MCTP1: variants seen among roughly 807,000 people sequenced by gnomAD.
The protein encoded by MCTP1 is multiple C2 and transmembrane domain-containing protein 1.
MCTP1 carries 69 observed loss-of-function variants against 120.6 expected under a neutral mutation model. The observed-to-expected ratio is 0.57, with a 90% CI of 0.47 to 0.70. MCTP1 has a LOEUF of 0.70. Ranked by LOEUF, MCTP1 falls within the 30% of genes least tolerant of loss-of-function variation. MCTP1 has a pLI of 0.00. For missense variants in MCTP1, 1,203 were observed against 1,248.8 expected (o/e 0.96, Z 0.55); for synonymous variants, 529 against 493.1 (o/e 1.07, Z -0.96).
At chr5:95,109,678 T>C (rs1757321669) in intron 1 of MCTP1, among the ~76,000 whole-genome samples, 1 of 152,178 alleles carries the variant, frequency 6.6e-6, no homozygotes, top group Non-Finnish European at 1.5e-5. Context: ...AAGACAAATC[T>C]ATTGACTTTC....
chr5:95,099,195 A>T (rs965422652), intron 1 of MCTP1, among the ~76,000 whole-genome samples: 262 of 152,322 alleles, frequency 1.7e-3, no homozygotes, highest in African/African-American at 5.4e-3. Flanking sequence ...GCATTACCAT[A>T]CAGGACATAG....
At position 94,705,597 on chromosome 5, in the gene MCTP1, A is replaced by G. The variant is rs1754371719; in HGVS notation, c.*1899T>C. ...CAGTGAATGTGTAGTCAGCATTACC[A>G]TTGAACTAAACATCTGAAATTTGAT... On this transcript the variant is annotated 3_prime_UTR_variant, in exon 23 of 23. Coordinates refer to ENST00000515393, the MANE Select transcript of MCTP1 (RefSeq NM_024717.7). 6.6e-6 allele frequency: 1 copy of G among 151,340 alleles called. No homozygotes were observed. The highest frequency in any genetic ancestry group is 2.4e-5 in the African/African-American group (1 of 41,282). The allele number at this position is 151,340 out of a possible 1,614,324, so 9.4% of individuals were successfully genotyped here. A position where few individuals can be genotyped will look rare whatever the true frequency, so the allele number is the denominator to read the frequency against.
chr5:94,765,895 G>T (rs1772565460), intron 19 of MCTP1, among the ~76,000 whole-genome samples: 1 of 151,470 alleles, frequency 6.6e-6, no homozygotes, highest in Non-Finnish European at 1.5e-5. Flanking sequence ...TGATACCACA[G>T]AAATACAAAG....
At chr5:95,093,389 G>T (rs989616794) in intron 1 of MCTP1, among the ~76,000 whole-genome samples, 1 of 152,170 alleles carries the variant, frequency 6.6e-6, no homozygotes, top group Non-Finnish European at 1.5e-5. Flanking sequence ...CCTTTTAAGT[G>T]AGTGGGTCTA....
At chr5:94,970,316 A>G (rs1336806563) in intron 2 of MCTP1, among the ~76,000 whole-genome samples, 2 of 151,976 alleles carry the variant, frequency 1.3e-5, no homozygotes, top group African/African-American at 2.4e-5. Flanking sequence ...TTTGGGATAT[A>G]CTTATTCATA....
rs1777861031 is a variant in MCTP1, at chr5:94,786,954, TTAAGTTGA to T, written c.2557-7799_2557-7792del. Among the ~76,000 whole-genome samples the T allele has an allele frequency of 3.9e-5, 6 of 152,162 alleles. No individual in the cohort carries two copies. In the South Asian group the frequency reaches 1.3e-3, roughly 32 times the overall value. ...TGATTAATAAAATTTAAATGCTTGA[TTAAGTTGA>T]CATTTTCATGTTCCATTCTGATTTA... On this transcript the variant is annotated intron_variant, in intron 18 of 22. Coordinates refer to ENST00000515393, the MANE Select transcript of MCTP1 (RefSeq NM_024717.7).
At chr5:94,786,631 CCTGCCTGGT>C (rs1777767606) in intron 18 of MCTP1, among the ~76,000 whole-genome samples, 1 of 152,154 alleles carries the variant, frequency 6.6e-6, no homozygotes, top group Admixed American at 6.5e-5. Context: ...CCAGGAAAAG[CCTGCCTGGT>C]CTACTTATCA....
chr5:94,893,744 A>G (rs1803218665), intron 11 of MCTP1, among the ~76,000 whole-genome samples: 1 of 152,254 alleles, frequency 6.6e-6, no homozygotes, highest in Admixed American at 6.5e-5. Flanking sequence ...TCAGTCAGCA[A>G]ATAGGAATAT....
chr5:95,083,597 G>A (rs1755197361), intron 1 of MCTP1, among the ~76,000 whole-genome samples: 1 of 152,138 alleles, frequency 6.6e-6, no homozygotes, highest in African/African-American at 2.4e-5. Context: ...TAGAACTGTT[G>A]GTTGTTGTAT....
rs774174507 is a variant in MCTP1, at chr5:94,714,767, C to T, written c.2720+10G>A. ...CAGAAGAATGGGGCTCACAGGTCAC[C>T]GTCACTCACTTCTTTATCCTTTCGC... On this transcript the variant is annotated intron_variant, in intron 20 of 22. Transcript: ENST00000515393. The T allele has an allele frequency of 1.0e-5, 15 of 1,483,858 alleles. No individual in the cohort carries two copies. Among genetic ancestry groups the T allele is most frequent in the South Asian group, 1.1e-5 (1 of 88,306 alleles). 91.9% of individuals were successfully genotyped at this position (1,483,858 alleles called of 1,614,324 possible).
At chr5:94,867,295 CCTAA>C (rs1797006089) in intron 17 of MCTP1, 5 of 1,531,336 alleles carry the variant, frequency 3.3e-6, no homozygotes, top group Non-Finnish European at 4.4e-6. Flanking sequence ...AAGCAGGCTG[CCTAA>C]CTTTCTGGTA....
chr5:95,245,570 G>A (rs1005056732), intron 1 of MCTP1, among the ~76,000 whole-genome samples: 2 of 151,412 alleles, frequency 1.3e-5, no homozygotes, highest in Admixed American at 6.6e-5. Context: ...TGGAAGAAAG[G>A]ATATCAGTGA....
chr5:94,894,218 C>T (rs902687272), intron 11 of MCTP1, among the ~76,000 whole-genome samples: 1 of 152,158 alleles, frequency 6.6e-6, no homozygotes, highest in Admixed American at 6.5e-5. Flanking sequence ...AAAAATCATT[C>T]CTGTGGATAC....
At chr5:94,901,994 T>C (rs939592259) in intron 10 of MCTP1, among the ~76,000 whole-genome samples, 1 of 152,150 alleles carries the variant, frequency 6.6e-6, no homozygotes, top group African/African-American at 2.4e-5. Flanking sequence ...GAGGGAGGCA[T>C]AGGAGCTTCA....
intron 2 of MCTP1, among the ~76,000 whole-genome samples, chr5:94,988,783 TC>T (rs1424077417): frequency 6.6e-6 from 1 of 152,120 alleles, no homozygotes; most frequent in African/African-American, 2.4e-5. Flanking sequence ...TTGACTCGAC[TC>T]ACAGTTCCAC....
chr5:94,860,514 G>T (rs929561983), intron 17 of MCTP1, among the ~76,000 whole-genome samples: 3 of 151,640 alleles, frequency 2.0e-5, no homozygotes, highest in African/African-American at 7.3e-5. Flanking sequence ...CCTTTAATTG[G>T]ACTATAATAT....
At chr5:95,168,808 G>T (rs904701295) in intron 1 of MCTP1, among the ~76,000 whole-genome samples, 22 of 152,156 alleles carry the variant, frequency 1.4e-4, no homozygotes, top group Admixed American at 1.4e-3. Context: ...CTGAGACAAT[G>T]GGGTTTTCTA....
At chr5:94,957,174 T>C (rs909219912) in intron 2 of MCTP1, among the ~76,000 whole-genome samples, 22 of 152,114 alleles carry the variant, frequency 1.4e-4, no homozygotes, top group Non-Finnish European at 2.9e-4. Flanking sequence ...TTAAGCTTCA[T>C]AAGTGAAGGA....
At chr5:95,047,976 A>C (rs1744986475) in intron 1 of MCTP1, among the ~76,000 whole-genome samples, 1 of 152,194 alleles carries the variant, frequency 6.6e-6, no homozygotes, top group African/African-American at 2.4e-5. Context: ...AAAAGTTATT[A>C]AATCAGATAA....
Sources: allele counts gnomAD v4.1 joint callset (sites outside exome capture counted in the v4.1 genomes callset), GRCh38; gene constraint gnomAD v4.1.1; transcripts MANE v1.5; gene names NCBI Gene and HGNC (gene_info 2026-07-23, HGNC 2026-07-21).